USP42: variants seen among roughly 807,000 people sequenced by gnomAD.
The protein encoded by USP42 is ubiquitin carboxyl-terminal hydrolase 42.
USP42 carries 23 observed loss-of-function variants against 113.0 expected under a neutral mutation model. That is an observed-to-expected ratio of 0.20 (90% confidence interval 0.15 to 0.29). The LOEUF is 0.29. USP42 is among the 10% of genes least tolerant of loss of function. The probability of loss-of-function intolerance (pLI) is 1.00; values close to 1 mark genes in which losing one functional copy is unlikely to be tolerated. For synonymous variants in USP42, 933 were observed against 699.0 expected, an observed-to-expected ratio of 1.33 and a Z score of -5.28; for missense variants, 2,174 against 1,779.8, an observed-to-expected ratio of 1.22 and a Z score of -3.99.
At position 6,149,765 on chromosome 7, in the gene USP42, A is replaced by T. The variant is rs374262203; in HGVS notation, c.1569A>T (p.Thr523=). ...IPEHPKKQKI[T]ISIHNKLPVR... ...AACATCCTAAGAAACAAAAAATTAC[A>T]ATCAGTATTCACAACAAGTTGCCTG... Residue 523 remains threonine (T), a synonymous_variant, in exon 13 of 18, where the codon ACA becomes ACT. Coordinates refer to ENST00000306177, the MANE Select transcript of USP42 (RefSeq NM_032172.3). The T allele has an allele frequency of 1.2e-6, 2 of 1,613,990 alleles. No homozygotes were observed. The highest frequency in any genetic ancestry group is 3.3e-5 in the Admixed American group (2 of 60,022).
upstream of USP42, among the ~76,000 whole-genome samples, chr7:6,104,562 G>A (rs1256703399): frequency 6.6e-6 from 1 of 152,234 alleles, no homozygotes; most frequent in Non-Finnish European, 1.5e-5. Flanking sequence ...AAACGCATCT[G>A]GGGTCAAGCG....
upstream of USP42, among the ~76,000 whole-genome samples, chr7:6,100,010 TTATTA>T (rs1222290280): frequency 8.1e-5 from 12 of 148,808 alleles, 2 homozygotes; most frequent in South Asian, 8.4e-4. Context: ...AAGTCTATTA[TTATTA>T]TTATTATTAT....
At chr7:6,095,262 A>G in the USP42 span, among the ~76,000 whole-genome samples, 3 of 151,320 alleles carry the variant, frequency 2.0e-5, no homozygotes, top group South Asian at 2.1e-4. Context: ...TCCCTTAGCA[A>G]TAAGGGAACC....
chr7:6,118,858 T>TA (rs1780056827), intron 3 of USP42, among the ~76,000 whole-genome samples: 1 of 152,178 alleles, frequency 6.6e-6, no homozygotes, highest in African/African-American at 2.4e-5. Flanking sequence ...TGGACTCTAT[T>TA]ATGTTGTACT....
At chr7:6,094,776 G>A in the USP42 span, among the ~76,000 whole-genome samples, 616 of 148,988 alleles carry the variant, frequency 4.1e-3, 11 homozygotes, top group East Asian at 0.015. Flanking sequence ...GCCAGAGGGG[G>A]CAGTTTCAGG....
chr7:6,081,828 G>C, the USP42 span: 1 of 152,126 alleles, frequency 6.6e-6, no homozygotes, highest in African/African-American at 2.4e-5. Context: ...ACCTGATCTC[G>C]TTCTTTCTCC....
the USP42 span, chr7:6,084,649 CTGTT>C: frequency 5.3e-5 from 8 of 151,236 alleles, no homozygotes; most frequent in African/African-American, 2.0e-4. Flanking sequence ...TCGCACCTGG[CTGTT>C]TGTTGCAGAT....
chr7:6,110,883 T>C (rs924517629), intron 1 of USP42, among the ~76,000 whole-genome samples: 3 of 152,242 alleles, frequency 2.0e-5, no homozygotes, highest in Non-Finnish European at 4.4e-5. Context: ...GAAGTTCTTT[T>C]AATCAAATAC....
At chr7:6,141,564 A>T (rs963658362) in intron 7 of USP42, among the ~76,000 whole-genome samples, 42 of 141,342 alleles carry the variant, frequency 3.0e-4, no homozygotes, top group African/African-American at 7.3e-4. Flanking sequence ...GGTTATTATT[A>T]TTTTTTTTTT....
At chr7:6,087,269 G>A in the USP42 span, among the ~76,000 whole-genome samples, 1 of 150,206 alleles carries the variant, frequency 6.7e-6, no homozygotes, top group Admixed American at 6.6e-5. Flanking sequence ...GACCTCAGGT[G>A]ATCTGCCCGC....
chr7:6,097,716 G>A, the USP42 span, among the ~76,000 whole-genome samples: 2 of 148,838 alleles, frequency 1.3e-5, no homozygotes, highest in Admixed American at 6.7e-5. Context: ...TCAGCCTCCC[G>A]AGTTGCTGTG....
intron 2 of USP42, among the ~76,000 whole-genome samples, chr7:6,114,679 T>TATATATATATATATA (rs57984216): frequency 4.6e-4 from 5 of 10,912 alleles, no homozygotes; most frequent in African/African-American, 1.0e-3. Flanking sequence ...TATATATATA[T>TATATATATATATATA]TTTTTTTTTT....
chr7:6,130,968 T>C (rs1780818659), intron 3 of USP42, among the ~76,000 whole-genome samples: 1 of 152,086 alleles, frequency 6.6e-6, no homozygotes, highest in South Asian at 2.1e-4. Flanking sequence ...TTTTGTGGGC[T>C]CTGAGCCACA....
rs1782218920 is a variant in USP42 at position 6,153,859 on chromosome 7, C to T, written c.2305C>T (p.Leu769Phe). The T allele has an allele frequency of 2.6e-6, 4 of 1,553,678 alleles. No individual in the cohort carries two copies. In the African/African-American group the frequency reaches 4.1e-5, roughly 16 times the overall value. Reference sequence around the variant, plus strand: ...GGAGGAGCCAGATGCGGCCGCCGGCCTCAGCAGCACCAAGAAGGCTCCGCC... The same window carrying T: ...GGAGGAGCCAGATGCGGCCGCCGGCTTCAGCAGCACCAAGAAGGCTCCGCC... ...SLEEPDAAAG[L>F]SSTKKAPPPR... Residue 769 changes from leucine (L) to phenylalanine (F), a missense_variant, in exon 15 of 18, where the codon CTC (leucine) becomes TTC (phenylalanine). By Grantham distance (22) the Leu-to-Phe change is conservative. Coordinates refer to ENST00000306177, the MANE Select transcript of USP42 (RefSeq NM_032172.3).
At chr7:6,145,336 A>G (rs971238985) in intron 9 of USP42, among the ~76,000 whole-genome samples, 180 bp from the exon 10 acceptor site, 1 of 152,062 alleles carries the variant, frequency 6.6e-6, no homozygotes, top group African/African-American at 2.4e-5. Flanking sequence ...ATCTCAAAAA[A>G]AAAAAAAAGA....
intron 14 of USP42, among the ~76,000 whole-genome samples, chr7:6,153,242 C>T (rs192185955): frequency 6.6e-6 from 1 of 151,184 alleles, no homozygotes; most frequent in East Asian, 2.0e-4. Flanking sequence ...CACTGCGCTC[C>T]AGCCTGGGCA....
chr7:6,103,822 G>T (rs1179462879), upstream of USP42, among the ~76,000 whole-genome samples: 14 of 150,868 alleles, frequency 9.3e-5, no homozygotes, highest in Admixed American at 9.2e-4. Flanking sequence ...GGGAAGCCAC[G>T]GAGGGGGAGC....
chr7:6,097,603 T>G, the USP42 span, among the ~76,000 whole-genome samples: 1 of 150,196 alleles, frequency 6.7e-6, no homozygotes, highest in Non-Finnish European at 1.5e-5. Flanking sequence ...TTTCTTTTTT[T>G]TTTTCGAGAC....
chr7:6,155,662 G>C (rs1019401051), intron 15 of USP42, among the ~76,000 whole-genome samples: 8 of 152,286 alleles, frequency 5.3e-5, no homozygotes, highest in Non-Finnish European at 1.5e-5. Flanking sequence ...GTGCCTGCCC[G>C]CCTGCCCAGC....
Sources: allele counts gnomAD v4.1 joint callset (sites outside exome capture counted in the v4.1 genomes callset), GRCh38; gene constraint gnomAD v4.1.1; transcripts MANE v1.5; gene names NCBI Gene and HGNC (gene_info 2026-07-23, HGNC 2026-07-21).